The following TAFA2 variants were observed in gnomAD, a reference collection of about 807,000 sequenced individuals.
TAFA2 encodes the protein chemokine-like protein TAFA-2.
A neutral mutation model predicts 18.8 loss-of-function variants in TAFA2; 7 were observed. That is an observed-to-expected ratio of 0.37 (90% CI 0.21 to 0.70). The LOEUF (loss-of-function observed/expected upper bound fraction) is 0.70, where lower values mean the gene tolerates loss of function less well. TAFA2 is among the 30% of genes least tolerant of loss of function. The pLI, the probability that TAFA2 is intolerant of heterozygous loss-of-function variation, is 0.53. For synonymous variants in TAFA2, 60 were observed against 54.2 expected, an observed-to-expected ratio of 1.11 and a Z score of -0.47; for missense variants, 122 against 158.1, an observed-to-expected ratio of 0.77 and a Z score of 1.23.
chr12:61,929,704 A>G (rs1270504033), intron 1 of TAFA2, among the ~76,000 whole-genome samples: 2 of 152,022 alleles, frequency 1.3e-5, no homozygotes, highest in Non-Finnish European at 2.9e-5. Flanking sequence ...ACACATGCAC[A>G]TGTATGTTTA....
At chr12:62,104,356 G>T (rs1019291685) in intron 1 of TAFA2, among the ~76,000 whole-genome samples, 1 of 151,914 alleles carries the variant, frequency 6.6e-6, no homozygotes, top group Non-Finnish European at 1.5e-5. Context: ...AGACACCAGG[G>T]TTTGCTCTGA....
intron 1 of TAFA2, among the ~76,000 whole-genome samples, chr12:61,943,285 A>C (rs528683505): frequency 0.019 from 2,778 of 147,832 alleles, 72 homozygotes; most frequent in African/African-American, 0.065. Context: ...GCCTGCCCTA[A>C]AAGAGCTCCT....
intron 1 of TAFA2, among the ~76,000 whole-genome samples, chr12:62,061,340 G>A (rs1368782369): frequency 1.3e-5 from 2 of 152,122 alleles, no homozygotes; most frequent in South Asian, 2.1e-4. Flanking sequence ...TTACCATTAT[G>A]TTACAATTGC....
intron 1 of TAFA2, among the ~76,000 whole-genome samples, chr12:62,105,235 G>A (rs1869395744): frequency 6.6e-6 from 1 of 152,108 alleles, no homozygotes; most frequent in South Asian, 2.1e-4. Context: ...AATGAAAATG[G>A]TTTCTAAACC....
chr12:61,926,996 A>ACCCCCTGGGTTCAACCT (rs982128245), intron 1 of TAFA2, among the ~76,000 whole-genome samples: 3 of 149,890 alleles, frequency 2.0e-5, no homozygotes, highest in African/African-American at 7.4e-5. Context: ...AATTGGTTGA[A>ACCCCCTGGGTTCAACCT]CCCAGGGGGC....
chr12:61,853,398 A>G (rs1402835191), intron 2 of TAFA2, among the ~76,000 whole-genome samples: 1 of 152,218 alleles, frequency 6.6e-6, no homozygotes, highest in Non-Finnish European at 1.5e-5. Flanking sequence ...GAGGAAGAGT[A>G]TAAAAAAAAT....
chr12:62,121,279 GGAGT>G (rs1343934739), intron 1 of TAFA2, among the ~76,000 whole-genome samples: 1 of 152,066 alleles, frequency 6.6e-6, no homozygotes, highest in Non-Finnish European at 1.5e-5. Flanking sequence ...TCCTGCCGGG[GGAGT>G]GAGTATCATC....
Position 61,886,392 on chromosome 12 carries a change from C to T in TAFA2, c.-1-18966G>A, listed in dbSNP as rs1875381713. 5.9e-5 allele frequency among the ~76,000 whole-genome samples: 9 copies of T among 152,156 alleles called. No homozygotes were observed. In the South Asian group the frequency reaches 1.9e-3, roughly 31 times the overall value. On this transcript the variant is annotated intron_variant, in intron 1 of 4. Transcript: ENST00000416284. ...ACCCCCCTGCCCCCACTGCCACTGCCCCATGGAATGCTGCTCCTGAAACTT... is the reference window on the plus strand; with the variant it reads ...ACCCCCCTGCCCCCACTGCCACTGCTCCATGGAATGCTGCTCCTGAAACTT...
upstream of TAFA2, among the ~76,000 whole-genome samples, chr12:62,196,957 T>TA (rs1341028587): frequency 6.6e-6 from 1 of 152,218 alleles, no homozygotes; most frequent in African/African-American, 2.4e-5. Flanking sequence ...CCCTCCCTGT[T>TA]AGTAACCCAG....
At chr12:62,032,988 C>T (rs1334834407) in intron 1 of TAFA2, among the ~76,000 whole-genome samples, 3 of 152,012 alleles carry the variant, frequency 2.0e-5, no homozygotes, top group Admixed American at 2.0e-4. Context: ...ATTTTTGATC[C>T]AAACCGCAAC....
At chr12:61,899,509 AG>A (rs1272671286) in intron 1 of TAFA2, among the ~76,000 whole-genome samples, 1 of 152,188 alleles carries the variant, frequency 6.6e-6, no homozygotes, top group African/African-American at 2.4e-5. Flanking sequence ...GAGAGGAGAG[AG>A]GGTGAAAACA....
chr12:61,772,051 C>T (rs981654339), intron 2 of TAFA2, among the ~76,000 whole-genome samples: 2 of 151,754 alleles, frequency 1.3e-5, no homozygotes, highest in African/African-American at 2.4e-5. Flanking sequence ...GGAGAAAGTA[C>T]AACTGATACC....
chr12:62,078,829 C>G, intron 1 of TAFA2, among the ~76,000 whole-genome samples: 1 of 152,130 alleles, frequency 6.6e-6, no homozygotes, highest in Admixed American at 6.5e-5. Flanking sequence ...CAATATTTAT[C>G]TGAACTACAG....
intron 2 of TAFA2, among the ~76,000 whole-genome samples, chr12:61,779,346 C>G (rs1355240197): frequency 6.6e-6 from 1 of 151,702 alleles, no homozygotes; most frequent in African/African-American, 2.4e-5. Flanking sequence ...AGAAACCCCT[C>G]AGAAAGAATC....
chr12:62,063,732 C>T (rs1358148864), intron 1 of TAFA2, among the ~76,000 whole-genome samples: 1 of 152,034 alleles, frequency 6.6e-6, no homozygotes, highest in African/African-American at 2.4e-5. Flanking sequence ...ATACAACATA[C>T]AAATTTCCTA....
intron 1 of TAFA2, among the ~76,000 whole-genome samples, chr12:62,161,503 C>T (rs1430049495): frequency 6.6e-6 from 1 of 152,074 alleles, no homozygotes; most frequent in Non-Finnish European, 1.5e-5. Flanking sequence ...ACAATGTGTA[C>T]ACATGGACAT....
At chr12:62,218,214 C>T (rs1233176871) in intron 1 of TAFA2, among the ~76,000 whole-genome samples, 1 of 151,974 alleles carries the variant, frequency 6.6e-6, no homozygotes, top group African/African-American at 2.4e-5. Context: ...CCAGGCTGGT[C>T]TTGAACCCCT....
At chr12:62,010,263 C>T (rs546553175) in intron 1 of TAFA2, among the ~76,000 whole-genome samples, 12 of 151,820 alleles carry the variant, frequency 7.9e-5, no homozygotes, top group Admixed American at 5.3e-4. Context: ...CTCCCTGCCC[C>T]GGGCTCCCGT....
At chr12:61,762,227 C>G (rs1208549139) in intron 2 of TAFA2, among the ~76,000 whole-genome samples, 1 of 152,072 alleles carries the variant, frequency 6.6e-6, no homozygotes. Context: ...AAAGACCTTT[C>G]TATGCCTTCC....
Sources: allele counts gnomAD v4.1 joint callset (sites outside exome capture counted in the v4.1 genomes callset), GRCh38; gene constraint gnomAD v4.1.1; transcripts MANE v1.5; gene names NCBI Gene and HGNC (gene_info 2026-07-23, HGNC 2026-07-21).